The following DLG2 variants were observed in gnomAD, a reference collection of about 807,000 sequenced individuals.
The protein encoded by DLG2 is discs large MAGUK scaffold protein 2.
Under a neutral mutation model 132.5 loss-of-function variants are expected in DLG2, and 45 were observed. The ratio of observed to expected loss-of-function variants is 0.34; its 90% confidence interval spans 0.27 to 0.44. The LOEUF (loss-of-function observed/expected upper bound fraction) is 0.44. Among genes scored for constraint, DLG2 ranks in the 20% least tolerant of loss-of-function variants. The pLI, the probability that DLG2 is intolerant of heterozygous loss-of-function variation, is 1.00. For synonymous variants in DLG2, 424 were observed against 419.6 expected, an observed-to-expected ratio of 1.01 and a Z score of -0.13; for missense variants, 1,045 against 1,196.9, an observed-to-expected ratio of 0.87 and a Z score of 1.87.
chr11:84,375,853 C>T (rs2098726964), intron 7 of DLG2, among the ~76,000 whole-genome samples: 1 of 152,016 alleles, frequency 6.6e-6, no homozygotes, highest in Non-Finnish European at 1.5e-5. Context: ...AATATGCCTT[C>T]TTTGGTTGTT....
chr11:84,490,538 C>T (rs185458475), intron 7 of DLG2, among the ~76,000 whole-genome samples: 15 of 150,634 alleles, frequency 1.0e-4, no homozygotes, highest in Admixed American at 6.7e-4. Context: ...TGACTCTCAG[C>T]GGAGATTTAA....
chr11:85,460,653 T>A (rs551511999), intron 3 of DLG2, among the ~76,000 whole-genome samples: 1 of 152,352 alleles, frequency 6.6e-6, no homozygotes, highest in East Asian at 1.9e-4. Flanking sequence ...TAGCTACTAA[T>A]AGCCATCTTG....
rs944867811 is a variant in DLG2, at chr11:85,162,967, C to T, written c.187-8316G>A. ...CAGACCCACCCTTAATCTGGATAGG[C>T]ACCATCTAATAACTGCCAGCACAGC... On this transcript the variant is annotated intron_variant, in intron 4 of 27. Coordinates refer to ENST00000376104, the MANE Select transcript of DLG2 (RefSeq NM_001142699.3). Among the ~76,000 whole-genome samples the T allele has an allele frequency of 5.3e-5, 8 of 152,226 alleles. No homozygotes were observed. In the East Asian group the frequency reaches 1.3e-3, roughly 26 times the overall value.
chr11:84,639,352 T>TG (rs1454614771), intron 6 of DLG2, among the ~76,000 whole-genome samples: 2 of 109,434 alleles, frequency 1.8e-5, no homozygotes, highest in African/African-American at 4.5e-5. Flanking sequence ...ATCTGTGTTT[T>TG]TTTTTTTTTT....
At chr11:85,174,283 A>G (rs1322635189) in intron 4 of DLG2, among the ~76,000 whole-genome samples, 1 of 152,224 alleles carries the variant, frequency 6.6e-6, no homozygotes, top group Non-Finnish European at 1.5e-5. Context: ...TTCATACCAA[A>G]GCACACTCAA....
At chr11:84,802,596 C>T (rs1598442571) in intron 6 of DLG2, among the ~76,000 whole-genome samples, 1 of 148,702 alleles carries the variant, frequency 6.7e-6, no homozygotes, top group East Asian at 2.0e-4. Context: ...TTGCAGGAAT[C>T]ACCCTTTGGC....
At chr11:85,228,921 T>C (rs959471904) in intron 4 of DLG2, among the ~76,000 whole-genome samples, 2 of 151,360 alleles carry the variant, frequency 1.3e-5, no homozygotes, top group African/African-American at 4.8e-5. Flanking sequence ...TTATGTTATT[T>C]TGGCTTTAAA....
intron 17 of DLG2, among the ~76,000 whole-genome samples, chr11:83,807,802 A>C (rs1276845890): frequency 6.6e-6 from 1 of 152,162 alleles, no homozygotes; most frequent in African/African-American, 2.4e-5. Context: ...GTCAACTTTA[A>C]GATGGGAAAA....
intron 17 of DLG2, among the ~76,000 whole-genome samples, chr11:83,798,356 A>G (rs2043396130): frequency 6.6e-6 from 1 of 152,238 alleles, no homozygotes; most frequent in East Asian, 1.9e-4. Flanking sequence ...AAATGCTTAA[A>G]ATAATATTTG....
chr11:85,583,130 GTATA>G lies in DLG2; in HGVS notation c.40+15523_40+15526del, dbSNP rs3068386. Among the ~76,000 whole-genome samples, 104 of 13,592 alleles carry G rather than the reference GTATA, an allele frequency of 7.7e-3. 2 individuals carry two copies. Among genetic ancestry groups the G allele is most frequent in the South Asian group, 0.013 (3 of 230 alleles). 8.9% of individuals were successfully genotyped at this position (13,592 alleles called of 152,430 possible). On this transcript the variant is annotated intron_variant, in intron 3 of 27. Coordinates refer to ENST00000376104, the MANE Select transcript of DLG2 (RefSeq NM_001142699.3). ...TGTGTGTGTGTGTGTGTGTGTGTGT[GTATA>G]TATATATATATATATATATATATAT...
At chr11:83,559,611 A>C (rs2096576612) in intron 19 of DLG2, among the ~76,000 whole-genome samples, 1 of 152,170 alleles carries the variant, frequency 6.6e-6, no homozygotes, top group African/African-American at 2.4e-5. Context: ...CAGAATTCCA[A>C]GTTTTAACCA....
intron 4 of DLG2, among the ~76,000 whole-genome samples, chr11:85,260,783 T>C (rs2076898067): frequency 1.3e-5 from 2 of 152,184 alleles, no homozygotes; most frequent in Non-Finnish European, 2.9e-5. Context: ...GAGTACAACA[T>C]GTGACCAGTG....
chr11:85,364,872 A>G lies in DLG2; in HGVS notation c.41-79507T>C, dbSNP rs11821288. Among the ~76,000 whole-genome samples the G allele has an allele frequency of 9.6e-3, 1,448 of 151,540 alleles. 18 individuals are homozygous for G. Among genetic ancestry groups the G allele is most frequent in the African/African-American group, 0.032 (1,306 of 41,342 alleles). On this transcript the variant is annotated intron_variant, in intron 3 of 27. Coordinates refer to ENST00000376104, the MANE Select transcript of DLG2 (RefSeq NM_001142699.3). ...TTTTTTGTTTTTCCCTATCCTTCTGAGCTTTTTTTTTTGGTTCAGAGTTGG... is the reference window on the plus strand; with the variant it reads ...TTTTTTGTTTTTCCCTATCCTTCTGGGCTTTTTTTTTTGGTTCAGAGTTGG...
chr11:83,655,878 T>C (rs1477208955), intron 18 of DLG2, among the ~76,000 whole-genome samples: 1 of 152,224 alleles, frequency 6.6e-6, no homozygotes, highest in Non-Finnish European at 1.5e-5. Context: ...TGTTTTACTG[T>C]TTCAGCTGTA....
At chr11:85,123,982 C>T (rs1431249798) in intron 5 of DLG2, among the ~76,000 whole-genome samples, 1 of 152,204 alleles carries the variant, frequency 6.6e-6, no homozygotes, top group Non-Finnish European at 1.5e-5. Flanking sequence ...ACCATGACTA[C>T]ACAAATAGAA....
intron 7 of DLG2, among the ~76,000 whole-genome samples, chr11:84,263,328 T>C (rs142070611): frequency 1.3e-5 from 2 of 152,128 alleles, no homozygotes; most frequent in African/African-American, 4.8e-5. Flanking sequence ...AAGAAAAGCA[T>C]GCAGAAATAA....
chr11:85,412,725 T>TCACACACACACACACACACA (rs542505541), intron 3 of DLG2, among the ~76,000 whole-genome samples: 12 of 92,252 alleles, frequency 1.3e-4, no homozygotes, highest in Non-Finnish European at 6.6e-5. Context: ...GAGCAGTATT[T>TCACACACACACACACACACA]CACACACACA....
At chr11:85,355,352 A>G (rs2083611247) in intron 3 of DLG2, among the ~76,000 whole-genome samples, 1 of 152,132 alleles carries the variant, frequency 6.6e-6, no homozygotes, top group African/African-American at 2.4e-5. Flanking sequence ...CTGGATTATT[A>G]TCCATTATTT....
intron 3 of DLG2, among the ~76,000 whole-genome samples, chr11:85,357,447 C>T (rs769590661): frequency 2.0e-5 from 3 of 149,918 alleles, no homozygotes; most frequent in Admixed American, 1.4e-4. Flanking sequence ...CCACCTCAGC[C>T]TCCCAAAGTG....
Sources: gnomAD v4.1 joint callset for allele counts (sites outside exome capture counted in the v4.1 genomes callset) on GRCh38, gnomAD v4.1.1 for gene constraint, MANE v1.5 for transcripts, NCBI Gene and HGNC (gene_info 2026-07-23, HGNC 2026-07-21) for gene names.